The following SCAI variants were observed in gnomAD, a reference collection of about 807,000 sequenced individuals.
SCAI encodes protein SCAI.
A neutral mutation model predicts 92.2 loss-of-function variants in SCAI; 24 were observed. The ratio of observed to expected loss-of-function variants is 0.26; its 90% CI spans 0.19 to 0.37. SCAI has a LOEUF of 0.37. Among genes scored for constraint, SCAI ranks in the 10% least tolerant of loss-of-function variants. The pLI is 1.00. For missense variants in SCAI, 450 were observed against 736.2 expected (o/e 0.61, Z 4.50); for synonymous variants, 261 against 258.6 (o/e 1.01, Z -0.09).
intron 2 of SCAI, among the ~76,000 whole-genome samples, chr9:125,098,299 C>T (rs926084977): frequency 2.0e-5 from 3 of 152,070 alleles, no homozygotes; most frequent in African/African-American, 7.2e-5. Context: ...TCAAGCAATC[C>T]TCCTGCCTCG....
rs768420375 is a variant in SCAI, at chr9:124,999,993, AT to A, written c.1145-4del. On this transcript the variant is annotated splice_region_variant and splice_polypyrimidine_tract_variant and intron_variant, in intron 12 of 17. Transcript: ENST00000336505. ...TACACCTCCAAAATCATAAGGACCT[AT>A]AAAAACAAAGGGAAGAATCCTAGAC... 30 of 1,452,412 alleles carry A rather than the reference AT, an allele frequency of 2.1e-5. No homozygotes were observed. Among genetic ancestry groups the A allele is most frequent in the Non-Finnish European group, 5.7e-6 (6 of 1,054,636 alleles). 90.0% of individuals were successfully genotyped at this position (1,452,412 alleles called of 1,614,324 possible). A position where few individuals can be genotyped will look rare whatever the true frequency, so the allele number is the denominator to read the frequency against.
chr9:125,057,303 A>G (rs1246638127), intron 2 of SCAI, among the ~76,000 whole-genome samples: 10 of 152,202 alleles, frequency 6.6e-5, no homozygotes, highest in Non-Finnish European at 1.2e-4. Flanking sequence ...TATAAAAGAA[A>G]AAGCAAGAGA....
rs1831237938 is a variant in SCAI, at chr9:124,951,693, A to T, written c.*1114T>A. On this transcript the variant is annotated 3_prime_UTR_variant, in exon 18 of 18. Coordinates refer to ENST00000336505, the MANE Select transcript of SCAI (RefSeq NM_001144877.3). ...AATCAAAAAGGAGGGAGGACTTCAT[A>T]GCAAGTGACTGTGAAATTATAAAGG... 2 of 152,190 alleles carry T rather than the reference A, an allele frequency of 1.3e-5. No individual in the cohort carries two copies. The highest frequency in any genetic ancestry group is 6.5e-5 in the Admixed American group (1 of 15,270). 9.4% of individuals were successfully genotyped at this position (152,190 alleles called of 1,614,324 possible). A position where few individuals can be genotyped will look rare whatever the true frequency, so the allele number is the denominator to read the frequency against.
intron 6 of SCAI, among the ~76,000 whole-genome samples, chr9:125,023,527 G>A (rs1832909285): frequency 6.6e-6 from 1 of 152,020 alleles, no homozygotes; most frequent in African/African-American, 2.4e-5. Flanking sequence ...TAAAAAATAG[G>A]TTCTATGAAT....
intron 2 of SCAI, among the ~76,000 whole-genome samples, chr9:125,098,658 C>A (rs113960261): frequency 6.6e-6 from 1 of 152,148 alleles, no homozygotes; most frequent in Non-Finnish European, 1.5e-5. Flanking sequence ...TGCAGTCACA[C>A]TGTAAATTAA....
At chr9:124,956,249 G>A (rs967014623) in intron 17 of SCAI, among the ~76,000 whole-genome samples, 4 of 151,992 alleles carry the variant, frequency 2.6e-5, no homozygotes, top group African/African-American at 9.7e-5. Flanking sequence ...ATGGAGTTTC[G>A]CTCTTGTTGC....
chr9:125,055,528 T>C (rs1833643463), intron 3 of SCAI, among the ~76,000 whole-genome samples: 1 of 152,076 alleles, frequency 6.6e-6, no homozygotes. Flanking sequence ...AAAAATGCAA[T>C]AGGAGGCTCC....
intron 14 of SCAI, among the ~76,000 whole-genome samples, chr9:124,984,419 G>A (rs1040400930): frequency 2.6e-5 from 4 of 152,350 alleles, no homozygotes; most frequent in Middle Eastern, 3.4e-3. Flanking sequence ...ACAGGAGAGC[G>A]AGGAAGGAGG....
intron 3 of SCAI, among the ~76,000 whole-genome samples, chr9:125,054,232 C>T (rs1279784530): frequency 6.6e-6 from 1 of 152,190 alleles, no homozygotes; most frequent in African/African-American, 2.4e-5. Context: ...ACCTCAGCCT[C>T]CCGAAGTGCT....
intron 2 of SCAI, among the ~76,000 whole-genome samples, chr9:125,088,161 T>C (rs1398602292): frequency 6.6e-6 from 1 of 152,114 alleles, no homozygotes; most frequent in Non-Finnish European, 1.5e-5. Flanking sequence ...AGTGGCACAA[T>C]CACAGTTCAT....
rs1157771161 is a variant in SCAI, at chr9:124,948,342, A to G, written c.*4465T>C. On this transcript the variant is annotated 3_prime_UTR_variant, in exon 18 of 18. Coordinates refer to ENST00000336505, the MANE Select transcript of SCAI (RefSeq NM_001144877.3). ...AGGGTACAATAAATTCTGTGCTTTGAAAGGTTTGAGAGCACCACTTTCTAA... is the reference window on the plus strand; with the variant it reads ...AGGGTACAATAAATTCTGTGCTTTGGAAGGTTTGAGAGCACCACTTTCTAA... 1 of 152,190 alleles carries G rather than the reference A, an allele frequency of 6.6e-6. No homozygotes were observed. The highest frequency in any genetic ancestry group is 2.4e-5 in the African/African-American group (1 of 41,446). The allele number at this position is 152,190 out of a possible 1,614,324, so 9.4% of individuals were successfully genotyped here.
intron 17 of SCAI, among the ~76,000 whole-genome samples, chr9:124,962,874 C>T (rs908787662): frequency 2.6e-5 from 4 of 151,702 alleles, no homozygotes; most frequent in Admixed American, 6.6e-5. Flanking sequence ...TCTTGGCTCA[C>T]TGCAACCTCC....
chr9:124,996,067 T>C (rs1350605098), intron 13 of SCAI, among the ~76,000 whole-genome samples: 2 of 152,162 alleles, frequency 1.3e-5, no homozygotes, highest in Admixed American at 6.5e-5. Context: ...TAAAAGTTTT[T>C]CTTTTATTGA....
intron 17 of SCAI, among the ~76,000 whole-genome samples, chr9:124,963,824 C>A (rs1351022925): frequency 3.6e-5 from 5 of 138,930 alleles, no homozygotes; most frequent in African/African-American, 1.3e-4. Context: ...ATTTACTATT[C>A]ATTAAATGGA....
intron 3 of SCAI, among the ~76,000 whole-genome samples, chr9:125,038,092 C>CA (rs1351043136): frequency 6.6e-6 from 1 of 151,928 alleles, no homozygotes; most frequent in Non-Finnish European, 1.5e-5. Flanking sequence ...CCTGTCTCTA[C>CA]AAAAAAATAC....
chr9:125,092,008 T>C (rs964631080), intron 2 of SCAI, among the ~76,000 whole-genome samples: 2 of 151,642 alleles, frequency 1.3e-5, no homozygotes, highest in African/African-American at 4.8e-5. Context: ...TGGGCGCCTG[T>C]AGTCCCAGCT....
At chr9:125,022,592 A>AT (rs1369784516) in intron 6 of SCAI, among the ~76,000 whole-genome samples, 1 of 151,742 alleles carries the variant, frequency 6.6e-6, no homozygotes, top group Non-Finnish European at 1.5e-5. Flanking sequence ...TTTTATTTTT[A>AT]TTTTTTGTAG....
At chr9:124,966,510 G>A (rs1423360585) in intron 17 of SCAI, among the ~76,000 whole-genome samples, 1 of 152,004 alleles carries the variant, frequency 6.6e-6, no homozygotes, top group African/African-American at 2.4e-5. Flanking sequence ...CTGTAAGTGT[G>A]TGCATAAATT....
rs564361986 is a variant in SCAI at position 125,046,939 on chromosome 9, C to A, written c.230+8937G>T. Among the ~76,000 whole-genome samples the A allele has an allele frequency of 2.0e-5, 3 of 152,036 alleles. No individual in the cohort carries two copies. The South Asian group carries it at 6.2e-4, about 32-fold the overall frequency. ...ATATTTTAGCATAGCATTTAAATAG[C>A]TAATTTTCTAGATTCTGGGGAAATG... On this transcript the variant is annotated intron_variant, in intron 3 of 17. Coordinates refer to ENST00000336505, the MANE Select transcript of SCAI (RefSeq NM_001144877.3).
Sources: gnomAD v4.1 joint callset for allele counts (sites outside exome capture counted in the v4.1 genomes callset) on GRCh38, gnomAD v4.1.1 for gene constraint, MANE v1.5 for transcripts, NCBI Gene and HGNC (gene_info 2026-07-23, HGNC 2026-07-21) for gene names.